The following RSU1 variants were observed in gnomAD, a reference collection of about 807,000 sequenced individuals.
The protein encoded by RSU1 is rsu-1.
In RSU1, 26 loss-of-function variants were observed where a neutral mutation model predicts 31.1. The ratio of observed to expected loss-of-function variants is 0.84; its 90% CI spans 0.61 to 1.16. The LOEUF (loss-of-function observed/expected upper bound fraction) is 1.16. Among genes scored for constraint, RSU1 ranks in the 50% most tolerant of loss-of-function variants. RSU1 has a pLI of 0.00. For synonymous variants in RSU1, 164 were observed against 136.3 expected (o/e 1.20, Z -1.41); for missense variants, 320 against 339.1 (o/e 0.94, Z 0.44).
chr10:16,666,998 C>CA (rs141844793), intron 8 of RSU1, among the ~76,000 whole-genome samples: 9,245 of 150,840 alleles, frequency 0.061, 440 homozygotes, highest in East Asian at 0.19. Context: ...GACTCCGCAT[C>CA]AAAAAAAACC....
In RSU1 at chr10:16,595,708, T is replaced by G. The variant is rs1358601479; in HGVS notation, c.732-2212A>C. Among the ~76,000 whole-genome samples the G allele has an allele frequency of 2.0e-5, 3 of 151,962 alleles. No individual in the cohort carries two copies. The East Asian group carries it at 5.8e-4, about 29-fold the overall frequency. On this transcript the variant is annotated intron_variant, in intron 8 of 8. Coordinates refer to ENST00000345264, the MANE Select transcript of RSU1 (RefSeq NM_012425.4). ...AAGCCACAGAAGAAGAAACAACTCC[T>G]TAAGAGAATCTGAACTTCGGGAGGG... is the stretch of plus-strand genomic sequence containing the variant.
chr10:16,600,095 G>C (rs1336132867), intron 8 of RSU1, among the ~76,000 whole-genome samples: 1 of 152,176 alleles, frequency 6.6e-6, no homozygotes, highest in African/African-American at 2.4e-5. Context: ...TGACACAAGA[G>C]GATCAGTTGC....
chr10:16,753,319 C>T (rs981690963), intron 5 of RSU1, among the ~76,000 whole-genome samples: 14 of 152,214 alleles, frequency 9.2e-5, no homozygotes, highest in African/African-American at 3.1e-4. Flanking sequence ...TTTTGATTCA[C>T]ATTTATTTCT....
intron 8 of RSU1, among the ~76,000 whole-genome samples, chr10:16,634,508 G>GT (rs1834313019): frequency 6.6e-6 from 1 of 152,124 alleles, no homozygotes; most frequent in South Asian, 2.1e-4. Flanking sequence ...CCTTACAATG[G>GT]TTTTTTGAAA....
chr10:16,721,997 T>C (rs2131590822), intron 7 of RSU1, among the ~76,000 whole-genome samples: 1 of 152,336 alleles, frequency 6.6e-6, no homozygotes, highest in African/African-American at 2.4e-5. Flanking sequence ...CACTGTACTA[T>C]CATAGTAGTT....
intron 8 of RSU1, among the ~76,000 whole-genome samples, chr10:16,630,043 CTTTG>C (rs1834223345): frequency 6.6e-6 from 1 of 151,994 alleles, no homozygotes; most frequent in African/African-American, 2.4e-5. Context: ...TATGGATGCT[CTTTG>C]TTTACTTTTT....
At chr10:16,636,659 A>C (rs1476570305) in intron 8 of RSU1, among the ~76,000 whole-genome samples, 1 of 152,118 alleles carries the variant, frequency 6.6e-6, no homozygotes, top group African/African-American at 2.4e-5. Flanking sequence ...AACTCCTTCA[A>C]ATGGTGCAGG....
intron 7 of RSU1, among the ~76,000 whole-genome samples, chr10:16,713,057 A>G (rs1437640570): frequency 6.6e-6 from 1 of 152,130 alleles, no homozygotes; most frequent in East Asian, 1.9e-4. Context: ...CTAACCTGCA[A>G]GGTTTCTGCT....
chr10:16,675,147 G>A (rs183864588), intron 8 of RSU1, among the ~76,000 whole-genome samples: 66 of 149,722 alleles, frequency 4.4e-4, no homozygotes, highest in South Asian at 4.3e-3. Context: ...CGGAGGTTGC[G>A]GTGAGATTGC....
rs180900876 is a variant in RSU1 at position 16,714,261 on chromosome 10, T to G, written c.599-19106A>C. Among the ~76,000 whole-genome samples, 225 of 152,284 alleles carry G rather than the reference T, an allele frequency of 1.5e-3. 1 individual carries two copies. Among genetic ancestry groups the G allele is most frequent in the African/African-American group, 4.9e-3 (205 of 41,554 alleles). On this transcript the variant is annotated intron_variant, in intron 7 of 8. Coordinates refer to ENST00000345264, the MANE Select transcript of RSU1 (RefSeq NM_012425.4). ...TGCCAGCTGCACATAGGTGCAGCTG[T>G]GTCAGGTGGCCCTGTAGGAGTCTGT... is the stretch of plus-strand genomic sequence containing the variant.
At chr10:16,717,004 G>A (rs548330248) in intron 7 of RSU1, among the ~76,000 whole-genome samples, 1 of 152,240 alleles carries the variant, frequency 6.6e-6, no homozygotes, top group East Asian at 1.9e-4. Flanking sequence ...AAGTTTAAAT[G>A]TCATTGTAAT....
At chr10:16,682,976 G>A (rs1835360747) in intron 8 of RSU1, among the ~76,000 whole-genome samples, 1 of 152,128 alleles carries the variant, frequency 6.6e-6, no homozygotes, top group South Asian at 2.1e-4. Flanking sequence ...TGGTTTGTTA[G>A]GTACCTTTCA....
At chr10:16,807,465 T>C (rs76747421) in intron 2 of RSU1, among the ~76,000 whole-genome samples, 2,059 of 152,302 alleles carry the variant, frequency 0.014, 53 homozygotes, top group African/African-American at 0.047. Flanking sequence ...TTTAAGCTAA[T>C]GTTCTAAGTT....
In RSU1 at chr10:16,591,701, T is replaced by C. The variant is rs1833507032; in HGVS notation, c.*1693A>G. 6.6e-6 allele frequency: 1 copy of C among 152,194 alleles called. No homozygotes were observed. The highest frequency in any genetic ancestry group is 2.1e-4 in the South Asian group (1 of 4,832). 9.4% of individuals were successfully genotyped at this position (152,194 alleles called of 1,614,324 possible). A position where few individuals can be genotyped will look rare whatever the true frequency, so the allele number is the denominator to read the frequency against. On this transcript the variant is annotated 3_prime_UTR_variant, in exon 9 of 9. Coordinates refer to ENST00000345264, the MANE Select transcript of RSU1 (RefSeq NM_012425.4). ...TGTGCGTTTCTGGAGTTTTCATCTT[T>C]TGAAAAAAATGACTCATAAGAGCCC...
At chr10:16,815,086 T>A (rs1838499300) in intron 2 of RSU1, among the ~76,000 whole-genome samples, 1 of 152,202 alleles carries the variant, frequency 6.6e-6, no homozygotes, top group Non-Finnish European at 1.5e-5. Flanking sequence ...CTCCTCTGTA[T>A]CAACAGTGCC....
rs181853495 is a variant in RSU1 at position 16,733,996 on chromosome 10, G to A, written c.598+18543C>T. 7.2e-5 allele frequency among the ~76,000 whole-genome samples: 11 copies of A among 152,298 alleles called. No homozygotes were observed. In the East Asian group the frequency reaches 1.3e-3, roughly 19 times the overall value. On this transcript the variant is annotated intron_variant, in intron 7 of 8. Coordinates refer to ENST00000345264, the MANE Select transcript of RSU1 (RefSeq NM_012425.4). ...ACACTAACCATTGATCTTGCTAATT[G>A]CATCTGCCACTATATCAGCTTCTTT... is the stretch of plus-strand genomic sequence containing the variant.
At chr10:16,647,166 G>A (rs1253119246) in intron 8 of RSU1, among the ~76,000 whole-genome samples, 2 of 152,084 alleles carry the variant, frequency 1.3e-5, no homozygotes, top group African/African-American at 4.8e-5. Context: ...TAGAGATGGA[G>A]TTTCACCATG....
intron 8 of RSU1, among the ~76,000 whole-genome samples, chr10:16,600,568 A>AGGG (rs1294895687): frequency 1.6e-4 from 22 of 139,264 alleles, no homozygotes; most frequent in African/African-American, 4.9e-4. Context: ...TTTTTTTTTT[A>AGGG]GGGGGGGGTG....
At chr10:16,615,418 C>A (rs1564286836) in intron 8 of RSU1, among the ~76,000 whole-genome samples, 1 of 152,118 alleles carries the variant, frequency 6.6e-6, no homozygotes, top group Non-Finnish European at 1.5e-5. Context: ...GACTTAGACT[C>A]CCACACAATA....
Sources: allele counts gnomAD v4.1 joint callset (sites outside exome capture counted in the v4.1 genomes callset), GRCh38; gene constraint gnomAD v4.1.1; transcripts MANE v1.5; gene names NCBI Gene and HGNC (gene_info 2026-07-23, HGNC 2026-07-21).